Variants in LRP1B observed in about 807,000 individuals in gnomAD.
LRP1B encodes LDL receptor related protein 1B.
A neutral mutation model predicts 556.6 loss-of-function variants in LRP1B; 217 were observed. The observed-to-expected ratio is 0.39, with a 90% CI of 0.35 to 0.44. The LOEUF is 0.44. Among genes scored for constraint, LRP1B ranks in the 20% least tolerant of loss-of-function variants. The pLI is 1.00. For synonymous variants in LRP1B, 2,047 were observed against 1,865.8 expected, an observed-to-expected ratio of 1.10 and a Z score of -2.50; for missense variants, 5,053 against 5,620.8, an observed-to-expected ratio of 0.90 and a Z score of 3.23.
rs115891296 is a variant in LRP1B at position 141,356,155 on chromosome 2, T to G, written c.344-101514A>C. On this transcript the variant is annotated intron_variant, in intron 3 of 90. Transcript: ENST00000389484. Reference sequence around the variant, plus strand: ...AACAAGGACTCCATTTTTGTAATGCTGCTGCTATCAAAGAGAGATACTTCT... The same window carrying G: ...AACAAGGACTCCATTTTTGTAATGCGGCTGCTATCAAAGAGAGATACTTCT... Among the ~76,000 whole-genome samples the G allele has an allele frequency of 7.3e-3, 1,110 of 152,350 alleles. 16 individuals are homozygous for G. The highest frequency in any genetic ancestry group is 0.025 in the African/African-American group (1,053 of 41,586).
chr2:142,026,559 C>A (rs1349921247), intron 1 of LRP1B, among the ~76,000 whole-genome samples: 1 of 151,992 alleles, frequency 6.6e-6, no homozygotes. Flanking sequence ...AATAAATAAA[C>A]CATATCCAAT....
At chr2:141,677,858 T>C (rs1312951383) in intron 2 of LRP1B, among the ~76,000 whole-genome samples, 1 of 152,140 alleles carries the variant, frequency 6.6e-6, no homozygotes, top group Non-Finnish European at 1.5e-5. Context: ...TAACCTAGCC[T>C]TGGGGAAAGA....
In LRP1B at chr2:140,297,926, G is replaced by A. The variant is rs1683673060; in HGVS notation, c.12849C>T (p.Asn4283=). 1.2e-6 allele frequency: 2 copies of A among 1,613,206 alleles called. No homozygotes were observed. Among genetic ancestry groups the A allele is most frequent in the Non-Finnish European group, 1.7e-6 (2 of 1,179,344 alleles). Residue 4283 remains asparagine (N), a synonymous_variant, in exon 84 of 91, where the codon AAC becomes AAT. Transcript: ENST00000389484. ...CSCALGFTGP[N]CGKTVCEDFC... The stretch of plus-strand genomic sequence containing the variant: ...AATCCTCACAGACTGTCTTACCACA[G>A]TTTGGCCCAGTGAAACCCAGTGCAC...
chr2:141,235,792 T>C (rs1683629715), intron 5 of LRP1B, among the ~76,000 whole-genome samples: 1 of 152,192 alleles, frequency 6.6e-6, no homozygotes, highest in Non-Finnish European at 1.5e-5. Context: ...TTGATTCGGC[T>C]AATATTTACC....
intron 1 of LRP1B, among the ~76,000 whole-genome samples, chr2:141,987,467 TTC>T (rs1191104676): frequency 6.6e-6 from 1 of 151,928 alleles, no homozygotes; most frequent in African/African-American, 2.4e-5. Context: ...CTGACAGTGC[TTC>T]TGTCTCTGGC....
intron 1 of LRP1B, among the ~76,000 whole-genome samples, chr2:142,045,405 C>T (rs190273422): frequency 6.6e-5 from 10 of 151,936 alleles, no homozygotes; most frequent in Admixed American, 6.6e-5. Flanking sequence ...GCAAATATTA[C>T]GATGACACAT....
chr2:142,115,899 G>A (rs1177630894), intron 1 of LRP1B, among the ~76,000 whole-genome samples: 1 of 124,026 alleles, frequency 8.1e-6, no homozygotes, highest in East Asian at 2.2e-4. Context: ...CCTTAGAGAA[G>A]CATTCCAATT....
chr2:140,655,860 C>G (rs1039266542), intron 41 of LRP1B, among the ~76,000 whole-genome samples: 8 of 151,780 alleles, frequency 5.3e-5, no homozygotes. Flanking sequence ...GGAGAGTGGC[C>G]TGTACCCGGG....
chr2:141,365,482 G>GTTT (rs34195312), intron 3 of LRP1B, among the ~76,000 whole-genome samples: 1 of 138,342 alleles, frequency 7.2e-6, no homozygotes, highest in Non-Finnish European at 1.6e-5. Context: ...GCTTAGAAGT[G>GTTT]TTTTTTTTTT....
intron 2 of LRP1B, among the ~76,000 whole-genome samples, chr2:141,686,203 C>T (rs1256291253): frequency 6.6e-6 from 1 of 151,908 alleles, no homozygotes; most frequent in East Asian, 1.9e-4. Flanking sequence ...ATGTTAACCA[C>T]TACTTTAAAA....
chr2:141,324,028 CCACACACACACACACACA>C (rs57105906), intron 3 of LRP1B, among the ~76,000 whole-genome samples: 1 of 113,042 alleles, frequency 8.8e-6, no homozygotes, highest in Non-Finnish European at 1.8e-5. Flanking sequence ...AACAAGGAAA[CCACACACACACACACACA>C]CACACACACA....
intron 66 of LRP1B, among the ~76,000 whole-genome samples, chr2:140,423,629 T>C (rs1433861868): frequency 1.3e-5 from 2 of 152,126 alleles, no homozygotes; most frequent in African/African-American, 4.8e-5. Flanking sequence ...TTTGCTTATA[T>C]TGGGAGGAAC....
At chr2:141,062,719 C>A (rs571350353) in intron 7 of LRP1B, among the ~76,000 whole-genome samples, 1 of 151,746 alleles carries the variant, frequency 6.6e-6, no homozygotes, top group South Asian at 2.1e-4. Flanking sequence ...AGCTCAATGA[C>A]GCTATGAGTG....
intron 1 of LRP1B, among the ~76,000 whole-genome samples, chr2:141,995,349 T>C (rs889193561): frequency 6.6e-6 from 1 of 152,160 alleles, no homozygotes; most frequent in Admixed American, 6.5e-5. Flanking sequence ...ACACAAAGAA[T>C]GGCTACCTGA....
At chr2:141,935,686 A>G (rs1012155220) in intron 1 of LRP1B, among the ~76,000 whole-genome samples, 1 of 152,232 alleles carries the variant, frequency 6.6e-6, no homozygotes, top group Non-Finnish European at 1.5e-5. Context: ...GCTGCTCGCT[A>G]TCAATAGGAG....
At chr2:141,995,355 C>G (rs7574292) in intron 1 of LRP1B, among the ~76,000 whole-genome samples, 149,329 of 152,236 alleles carry the variant, frequency 0.98, 73,316 homozygotes, top group East Asian at 1. Flanking sequence ...AGAATGGCTA[C>G]CTGAGTCCTT....
chr2:141,797,964 T>C (rs1029374178), intron 2 of LRP1B, among the ~76,000 whole-genome samples: 7 of 152,182 alleles, frequency 4.6e-5, no homozygotes, highest in African/African-American at 1.7e-4. Flanking sequence ...TTATAGGCAA[T>C]GCATTATCCT....
At chr2:141,767,439 A>G (rs995606613) in intron 2 of LRP1B, among the ~76,000 whole-genome samples, 6 of 152,066 alleles carry the variant, frequency 3.9e-5, no homozygotes, top group Non-Finnish European at 8.8e-5. Flanking sequence ...CAAATTATCT[A>G]TGTCGCTTAA....
chr2:141,822,070 T>C (rs1347704787), intron 1 of LRP1B, among the ~76,000 whole-genome samples: 1 of 147,724 alleles, frequency 6.8e-6, no homozygotes, highest in Non-Finnish European at 1.5e-5. Flanking sequence ...TATTTGGAAC[T>C]GCTTCTTCAC....
Sources: gnomAD v4.1 joint callset for allele counts (sites outside exome capture counted in the v4.1 genomes callset) on GRCh38, gnomAD v4.1.1 for gene constraint, MANE v1.5 for transcripts, NCBI Gene and HGNC (gene_info 2026-07-23, HGNC 2026-07-21) for gene names.